The following TPD52 variants were observed in gnomAD, a reference collection of about 807,000 sequenced individuals.
TPD52 encodes the protein prostate and colon associated protein.
A neutral mutation model predicts 31.3 loss-of-function variants in TPD52; 17 were observed. The ratio of observed to expected loss-of-function variants is 0.54; its 90% CI spans 0.37 to 0.82. The LOEUF (loss-of-function observed/expected upper bound fraction) is 0.82, where lower values mean the gene tolerates loss of function less well. Among genes scored for constraint, TPD52 ranks in the 40% least tolerant of loss-of-function variants. The pLI is 0.00. For missense variants in TPD52, 212 were observed against 240.1 expected, an observed-to-expected ratio of 0.88 and a Z score of 0.77; for synonymous variants, 83 against 89.6, an observed-to-expected ratio of 0.93 and a Z score of 0.42.
intron 1 of TPD52, chr8:80,080,559 A>C: frequency 6.8e-7 from 1 of 1,476,152 alleles, no homozygotes; most frequent in Non-Finnish European, 9.0e-7. Context: ...TCACTGAAGA[A>C]ATCAACCCCA....
intron 1 of TPD52, among the ~76,000 whole-genome samples, chr8:80,138,264 T>C (rs1210100918): frequency 6.6e-6 from 1 of 152,182 alleles, no homozygotes; most frequent in African/African-American, 2.4e-5. Context: ...TCTCTAATTA[T>C]TTCTCAGTAG....
At chr8:80,139,845 G>A (rs1378962927) in intron 1 of TPD52, among the ~76,000 whole-genome samples, 1 of 152,066 alleles carries the variant, frequency 6.6e-6, no homozygotes, top group African/African-American at 2.4e-5. Flanking sequence ...TTACAAATGG[G>A]GAGCCTGATG....
At chr8:80,047,571 T>A (rs1810992108) in intron 5 of TPD52, among the ~76,000 whole-genome samples, 1 of 152,202 alleles carries the variant, frequency 6.6e-6, no homozygotes, top group Non-Finnish European at 1.5e-5. Flanking sequence ...TAGCACTCAA[T>A]AAATACTTTT....
chr8:80,049,411 A>C lies in TPD52; in HGVS notation c.413+1034T>G, dbSNP rs187196604. On this transcript the variant is annotated intron_variant, in intron 5 of 7. Coordinates refer to ENST00000518937, the MANE Select transcript of TPD52 (RefSeq NM_001025253.3). Reference sequence around the variant, plus strand: ...GATACACAATCACCTATCATTGGTTACTTGATTTTTTAAGCATAATTTTAG... The same window carrying C: ...GATACACAATCACCTATCATTGGTTCCTTGATTTTTTAAGCATAATTTTAG... Among the ~76,000 whole-genome samples, 703 of 152,228 alleles carry C rather than the reference A, an allele frequency of 4.6e-3. 20 individuals carry two copies. The highest frequency in any genetic ancestry group is 0.032 in the Admixed American group (496 of 15,290).
rs373247034 is a variant in TPD52 at position 80,143,372 on chromosome 8, G to C, written c.19+28053C>G. On this transcript the variant is annotated intron_variant, in intron 1 of 7. Transcript: ENST00000518937. The stretch of plus-strand genomic sequence containing the variant: ...GCTACAAATCCCGAATGAGGGTCCA[G>C]GGTTGAAAACATAACCCTCAACTTC... Among the ~76,000 whole-genome samples, 236 of 152,290 alleles carry C rather than the reference G, an allele frequency of 1.5e-3. 1 individual carries two copies. The highest frequency in any genetic ancestry group is 5.5e-3 in the African/African-American group (227 of 41,570).
At chr8:80,080,505 A>C in intron 1 of TPD52, 1 of 1,603,354 alleles carries the variant, frequency 6.2e-7, no homozygotes, top group Non-Finnish European at 8.5e-7. Flanking sequence ...ATCAGCCTTC[A>C]GTTGAGTGCC....
Position 80,126,494 on chromosome 8 carries a change from T to TTG in TPD52, c.19+44930_19+44931insCA, listed in dbSNP as rs1554590804. ...AAAGTTTATAATTTTTTTTTTTTTT[T>TTG]TTTTTGAGACAGGGTCTCACTCTGT... is the stretch of plus-strand genomic sequence containing the variant. On this transcript the variant is annotated intron_variant, in intron 1 of 7. Coordinates refer to ENST00000518937, the MANE Select transcript of TPD52 (RefSeq NM_001025253.3). Among the ~76,000 whole-genome samples the TTG allele has an allele frequency of 2.1e-3, 314 of 150,536 alleles. 2 individuals are homozygous for TTG. The highest frequency in any genetic ancestry group is 7.2e-3 in the African/African-American group (294 of 41,056).
intron 1 of TPD52, among the ~76,000 whole-genome samples, chr8:80,104,653 G>A (rs1275823390): frequency 1.6e-5 from 2 of 126,012 alleles, no homozygotes; most frequent in African/African-American, 3.4e-5. Context: ...TCTACTCTGA[G>A]TCTGCTGATT....
chr8:80,083,744 T>C lies in TPD52; in HGVS notation c.20-19151A>G, dbSNP rs911108293. On this transcript the variant is annotated intron_variant, in intron 1 of 7. Coordinates refer to ENST00000518937, the MANE Select transcript of TPD52 (RefSeq NM_001025253.3). ...CAGTGTGAGAATGGACTAGTACACCTTGGTATCGGGGCAACTCTTTTTATT... is the reference window on the plus strand; with the variant it reads ...CAGTGTGAGAATGGACTAGTACACCCTGGTATCGGGGCAACTCTTTTTATT... Among the ~76,000 whole-genome samples the C allele has an allele frequency of 5.9e-5, 9 of 152,282 alleles. No individual in the cohort carries two copies. The East Asian group carries it at 1.4e-3, about 23-fold the overall frequency.
At chr8:80,166,360 G>A (rs895801040) in intron 1 of TPD52, among the ~76,000 whole-genome samples, 3 of 151,854 alleles carry the variant, frequency 2.0e-5, no homozygotes, top group Non-Finnish European at 1.5e-5. Context: ...AGCTTCCCTA[G>A]TAGCTGGGAT....
intron 1 of TPD52, among the ~76,000 whole-genome samples, chr8:80,093,294 T>C (rs762243968): frequency 9.9e-5 from 15 of 152,098 alleles, no homozygotes; most frequent in Non-Finnish European, 1.8e-4. Context: ...GTCTCTATGG[T>C]GAGATTACTG....
rs955761750 is a variant in TPD52, at chr8:80,035,030, C to T, written c.*3086G>A. 6.6e-6 allele frequency: 1 copy of T among 152,176 alleles called. No individual in the cohort carries two copies. Among genetic ancestry groups the T allele is most frequent in the African/African-American group, 2.4e-5 (1 of 41,430 alleles). The allele number at this position is 152,176 out of a possible 1,614,324, so 9.4% of individuals were successfully genotyped here. On this transcript the variant is annotated 3_prime_UTR_variant, in exon 8 of 8. Coordinates refer to ENST00000518937, the MANE Select transcript of TPD52 (RefSeq NM_001025253.3). Reference sequence around the variant, plus strand: ...ATGAAATCTAAGATGTGCAGGTTTACTTAAAAGTGATAATGGTTTATATTA... The same window carrying T: ...ATGAAATCTAAGATGTGCAGGTTTATTTAAAAGTGATAATGGTTTATATTA...
intron 1 of TPD52, among the ~76,000 whole-genome samples, chr8:80,144,780 A>AT (rs1280918944): frequency 1.3e-5 from 2 of 151,976 alleles, no homozygotes; most frequent in African/African-American, 4.8e-5. Context: ...TTTTGTGTGC[A>AT]TTTTTTACAT....
chr8:80,124,710 AT>A (rs1247469597), intron 1 of TPD52, among the ~76,000 whole-genome samples: 2 of 151,782 alleles, frequency 1.3e-5, no homozygotes, highest in Non-Finnish European at 2.9e-5. Flanking sequence ...GGGAGAAAGA[AT>A]TTTTTTTTAA....
intron 1 of TPD52, among the ~76,000 whole-genome samples, chr8:80,116,740 C>T (rs1807890781): frequency 6.6e-6 from 1 of 151,070 alleles, no homozygotes; most frequent in African/African-American, 2.4e-5. Context: ...CACGAAAGTC[C>T]TCAGCATAAT....
chr8:80,048,471 C>G (rs1380594806), intron 5 of TPD52, among the ~76,000 whole-genome samples: 3 of 152,188 alleles, frequency 2.0e-5, no homozygotes, highest in Non-Finnish European at 4.4e-5. Context: ...GACTAACCAC[C>G]TACTTCATAG....
chr8:80,077,708 A>G (rs905935371), intron 1 of TPD52, among the ~76,000 whole-genome samples: 1 of 152,230 alleles, frequency 6.6e-6, no homozygotes, highest in Non-Finnish European at 1.5e-5. Flanking sequence ...CATCCGTAAA[A>G]TGAACTGGAG....
At chr8:80,068,722 G>A (rs1793064784) in intron 1 of TPD52, among the ~76,000 whole-genome samples, 1 of 152,176 alleles carries the variant, frequency 6.6e-6, no homozygotes, top group Non-Finnish European at 1.5e-5. Context: ...GAGTCCACTG[G>A]CAGGGCAATG....
intron 7 of TPD52, 60 bp from the exon 8 acceptor site, chr8:80,038,295 C>T (rs945798637): frequency 3.2e-6 from 5 of 1,566,552 alleles, no homozygotes. Context: ...GCTGATTCTG[C>T]ATAAAGTAAC....
Sources: gnomAD v4.1 joint callset for allele counts (sites outside exome capture counted in the v4.1 genomes callset) on GRCh38, gnomAD v4.1.1 for gene constraint, MANE v1.5 for transcripts, NCBI Gene and HGNC (gene_info 2026-07-23, HGNC 2026-07-21) for gene names.